SPAG16: variants seen among roughly 807,000 people sequenced by gnomAD.
SPAG16 encodes sperm-associated antigen 16 protein.
SPAG16 carries 86 observed loss-of-function variants against 80.4 expected under a neutral mutation model. That is an observed-to-expected ratio of 1.07 (90% CI 0.90 to 1.28). The LOEUF (loss-of-function observed/expected upper bound fraction) is 1.28, where lower values mean the gene tolerates loss of function less well. Among genes scored for constraint, SPAG16 ranks in the 50% most tolerant of loss-of-function variants. SPAG16 has a pLI of 0.00. For synonymous variants in SPAG16, 294 were observed against 265.9 expected, an observed-to-expected ratio of 1.11 and a Z score of -1.03; for missense variants, 870 against 765.3, an observed-to-expected ratio of 1.14 and a Z score of -1.61.
At chr2:213,291,447 A>G (rs1182774489) in intron 1 of SPAG16, among the ~76,000 whole-genome samples, 1 of 152,202 alleles carries the variant, frequency 6.6e-6, no homozygotes, top group Non-Finnish European at 1.5e-5. Context: ...ATAAAAATCA[A>G]TCAAAGTATG....
chr2:213,416,680 C>T (rs564098267), intron 9 of SPAG16, among the ~76,000 whole-genome samples: 1 of 152,174 alleles, frequency 6.6e-6, no homozygotes, highest in African/African-American at 2.4e-5. Flanking sequence ...CTGGCTATCC[C>T]GGGGTGGGGG....
intron 15 of SPAG16, among the ~76,000 whole-genome samples, chr2:214,295,695 G>A (rs934784543): frequency 3.9e-5 from 6 of 152,206 alleles, no homozygotes; most frequent in East Asian, 1.9e-4. Context: ...GGAGGCTGAG[G>A]CTGCAGAATT....
At chr2:213,529,679 G>A (rs1481701470) in intron 10 of SPAG16, among the ~76,000 whole-genome samples, 1 of 152,084 alleles carries the variant, frequency 6.6e-6, no homozygotes, top group Non-Finnish European at 1.5e-5. Flanking sequence ...AATACTCTAG[G>A]CAACTGTAAC....
intron 10 of SPAG16, among the ~76,000 whole-genome samples, chr2:213,803,226 C>T (rs2071529486): frequency 6.6e-6 from 1 of 152,054 alleles, no homozygotes; most frequent in African/African-American, 2.4e-5. Flanking sequence ...TGGAATATGG[C>T]AAGATGACAG....
intron 10 of SPAG16, among the ~76,000 whole-genome samples, chr2:213,776,646 A>G (rs2069594654): frequency 1.3e-5 from 2 of 151,946 alleles, no homozygotes; most frequent in Non-Finnish European, 2.9e-5. Flanking sequence ...TTTTTTTCTT[A>G]TTCTCCCATG....
chr2:213,615,412 G>C (rs2061560914), intron 10 of SPAG16, among the ~76,000 whole-genome samples: 1 of 152,128 alleles, frequency 6.6e-6, no homozygotes. Flanking sequence ...CCAAGATGGT[G>C]AGACCCTGTC....
intron 10 of SPAG16, among the ~76,000 whole-genome samples, chr2:213,766,056 T>G (rs2068923279): frequency 1.3e-5 from 2 of 152,224 alleles, no homozygotes; most frequent in Admixed American, 1.3e-4. Flanking sequence ...AACGCTACAT[T>G]TCAGTCTTAT....
intron 13 of SPAG16, among the ~76,000 whole-genome samples, chr2:214,046,519 G>C (rs1207125789): frequency 6.6e-6 from 1 of 152,132 alleles, no homozygotes; most frequent in East Asian, 1.9e-4. Context: ...AGTAGGATTT[G>C]TTCCAGGAAT....
At chr2:213,824,564 T>TA (rs1338541994) in intron 10 of SPAG16, among the ~76,000 whole-genome samples, 3 of 152,230 alleles carry the variant, frequency 2.0e-5, no homozygotes, top group Non-Finnish European at 4.4e-5. Flanking sequence ...ATATATGTAT[T>TA]TGTTTCTGCA....
intron 15 of SPAG16, among the ~76,000 whole-genome samples, chr2:214,405,888 T>G (rs968523451): frequency 2.0e-5 from 3 of 152,182 alleles, no homozygotes; most frequent in Non-Finnish European, 4.4e-5. Flanking sequence ...CATCACAGTG[T>G]TGAGTGAAAA....
At chr2:214,040,062 A>G (rs968818591) in intron 13 of SPAG16, among the ~76,000 whole-genome samples, 1 of 152,182 alleles carries the variant, frequency 6.6e-6, no homozygotes, top group African/African-American at 2.4e-5. Context: ...AGACATGGAA[A>G]AAACCTGAAA....
intron 10 of SPAG16, among the ~76,000 whole-genome samples, chr2:213,684,343 A>G (rs1574801716): frequency 6.6e-6 from 1 of 152,204 alleles, no homozygotes; most frequent in South Asian, 2.1e-4. Context: ...TGTGCAAAGG[A>G]AAGTGGAAGG....
intron 9 of SPAG16, among the ~76,000 whole-genome samples, chr2:213,425,437 GTCAGGAGTTTGAGA>G (rs1227913947): frequency 5.3e-5 from 8 of 152,034 alleles, no homozygotes; most frequent in Non-Finnish European, 1.2e-4. Flanking sequence ...ATTGCCTGAG[GTCAGGAGTTTGAGA>G]TCAGTATAGC....
At chr2:213,898,934 CAT>C in intron 11 of SPAG16, among the ~76,000 whole-genome samples, 1 of 152,084 alleles carries the variant, frequency 6.6e-6, no homozygotes, top group Non-Finnish European at 1.5e-5. Flanking sequence ...GGAAATGAAA[CAT>C]GAGAGGTAAT....
chr2:213,310,730 A>G (rs1575154389), intron 4 of SPAG16, among the ~76,000 whole-genome samples: 1 of 151,926 alleles, frequency 6.6e-6, no homozygotes. Context: ...TTATAATTGA[A>G]AATTTTAATA....
chr2:213,453,785 G>A (rs946169747), intron 9 of SPAG16, among the ~76,000 whole-genome samples: 1 of 152,194 alleles, frequency 6.6e-6, no homozygotes, highest in African/African-American at 2.4e-5. Context: ...CGATGACAAT[G>A]AATTGGTTCT....
intron 15 of SPAG16, among the ~76,000 whole-genome samples, chr2:214,399,274 G>A (rs955056350): frequency 6.6e-6 from 1 of 152,084 alleles, no homozygotes; most frequent in Non-Finnish European, 1.5e-5. Context: ...CTCTTGTGAG[G>A]AGGGTATCCA....
intron 15 of SPAG16, among the ~76,000 whole-genome samples, chr2:214,292,879 G>C (rs544807802): frequency 1.3e-5 from 2 of 152,294 alleles, no homozygotes; most frequent in East Asian, 3.9e-4. Context: ...TTGAGTGCAT[G>C]CGATATTGTA....
At chr2:214,037,138 A>C (rs906662747) in intron 13 of SPAG16, among the ~76,000 whole-genome samples, 1 of 151,726 alleles carries the variant, frequency 6.6e-6, no homozygotes, top group African/African-American at 2.4e-5. Context: ...GAAATGTTTG[A>C]GGTTATAGGG....
Sources: allele counts gnomAD v4.1 joint callset (sites outside exome capture counted in the v4.1 genomes callset), GRCh38; gene constraint gnomAD v4.1.1; transcripts MANE v1.5; gene names NCBI Gene and HGNC (gene_info 2026-07-23, HGNC 2026-07-21).